ZMYM4: variants seen among roughly 807,000 people sequenced by gnomAD.
The protein encoded by ZMYM4 is zinc finger MYM-type containing 4.
A neutral mutation model predicts 183.2 loss-of-function variants in ZMYM4; 31 were observed. The observed-to-expected ratio is 0.17, with a 90% CI of 0.13 to 0.23. The LOEUF is 0.23. Among genes scored for constraint, ZMYM4 ranks in the 10% least tolerant of loss-of-function variants. The pLI, the probability that ZMYM4 is intolerant of heterozygous loss-of-function variation, is 1.00. For missense variants in ZMYM4, 1,273 were observed against 1,840.3 expected (o/e 0.69, Z 5.64); for synonymous variants, 592 against 631.2 (o/e 0.94, Z 0.93).
At chr1:35,412,439 G>A (rs1379704211) in intron 26 of ZMYM4, among the ~76,000 whole-genome samples, 1 of 152,118 alleles carries the variant, frequency 6.6e-6, no homozygotes, top group Admixed American at 6.5e-5. Flanking sequence ...GCGGTACAGT[G>A]TTGACGAAGA....
chr1:35,396,585 T>C lies in ZMYM4; in HGVS notation c.2945T>C (p.Val982Ala). The change falls in exon 19 of 30, where the codon GTG becomes GCG. Residue 982 changes from valine to alanine, a missense_variant. Val to Ala is a moderately conservative substitution (Grantham distance 64, BLOSUM62 0). This residue lies in a region of ZMYM4 where 290 missense variants were observed against 353.3 expected (regional missense o/e 0.82). Transcript: ENST00000314607. ...DTPSQPQIIV[V>A]PVPVPVFVPI... ...CCAAGTCAGCCCCAGATTATTGTGG[T>C]GCCAGTTCCCGTACCAGTGTTTGTT... 1.2e-6 allele frequency: 2 copies of C among 1,613,924 alleles called. No homozygotes were observed. Among genetic ancestry groups the C allele is most frequent in the East Asian group, 2.2e-5 (1 of 44,862 alleles).
At chr1:35,338,176 C>T (rs567860438) in intron 2 of ZMYM4, among the ~76,000 whole-genome samples, 2 of 152,268 alleles carry the variant, frequency 1.3e-5, no homozygotes, top group East Asian at 1.9e-4. Context: ...TTACCTACCC[C>T]TGCTGTAGGG....
chr1:35,404,917 A>G (rs1644974473), intron 23 of ZMYM4, 106 bp from the exon 24 acceptor site: 1 of 1,163,034 alleles, frequency 8.6e-7, no homozygotes, highest in Non-Finnish European at 1.2e-6. Context: ...ATATAAAACT[A>G]AATTCTTTAT....
At chr1:35,269,338 A>G (rs984258394) in intron 1 of ZMYM4, among the ~76,000 whole-genome samples, 12 of 152,030 alleles carry the variant, frequency 7.9e-5, no homozygotes, top group Non-Finnish European at 1.6e-4. Context: ...GTTCCCCAGC[A>G]CTGGGGTGGG....
In ZMYM4 at chr1:35,298,758, C is replaced by T. The variant is rs532681307; in HGVS notation, c.40-26602C>T. On this transcript the variant is annotated intron_variant, in intron 1 of 29. Transcript: ENST00000314607. Reference sequence around the variant, plus strand: ...CTGACAAAGGTTAACATTGTGCCAGCTGGCAAAGGAGAAAGTTTTGCAGGG... The same window carrying T: ...CTGACAAAGGTTAACATTGTGCCAGTTGGCAAAGGAGAAAGTTTTGCAGGG... 3.3e-5 allele frequency among the ~76,000 whole-genome samples: 5 copies of T among 152,284 alleles called. No homozygotes were observed. The East Asian group carries it at 9.7e-4, about 29-fold the overall frequency.
intron 1 of ZMYM4, among the ~76,000 whole-genome samples, chr1:35,296,913 C>T (rs1641047492): frequency 1.4e-5 from 2 of 141,890 alleles, no homozygotes. Flanking sequence ...GCAGTGACGC[C>T]ATCTTGGCTC....
At chr1:35,404,846 A>G (rs1001331392) in intron 23 of ZMYM4, 177 bp from the exon 24 acceptor site, 34 of 521,234 alleles carry the variant, frequency 6.5e-5, no homozygotes, top group African/African-American at 6.4e-4. Context: ...CCTTCCTCAT[A>G]TGGATTGGAT....
At chr1:35,376,027 G>A (rs1276090029) in intron 7 of ZMYM4, among the ~76,000 whole-genome samples, 2 of 151,206 alleles carry the variant, frequency 1.3e-5, no homozygotes, top group African/African-American at 4.9e-5. Flanking sequence ...AGTGAGCTAT[G>A]ATCACACTCC....
chr1:35,354,692 A>G (rs2148893774), intron 2 of ZMYM4, among the ~76,000 whole-genome samples: 1 of 143,350 alleles, frequency 7.0e-6, no homozygotes, highest in Admixed American at 7.2e-5. Context: ...GCACCACTGC[A>G]TTCGAGCCTG....
chr1:35,376,565 C>T (rs1238873498), intron 7 of ZMYM4, among the ~76,000 whole-genome samples: 1 of 151,888 alleles, frequency 6.6e-6, no homozygotes, highest in African/African-American at 2.4e-5. Context: ...CACTTTGTTG[C>T]CAGGCTGGAA....
chr1:35,409,348 T>C (rs1639775818), intron 26 of ZMYM4, among the ~76,000 whole-genome samples: 1 of 152,222 alleles, frequency 6.6e-6, no homozygotes, highest in Non-Finnish European at 1.5e-5. Flanking sequence ...GAGGAACTAC[T>C]GAACTGTTTT....
chr1:35,327,970 C>G (rs1323414205), intron 2 of ZMYM4, among the ~76,000 whole-genome samples: 2 of 152,196 alleles, frequency 1.3e-5, no homozygotes, highest in Non-Finnish European at 2.9e-5. Flanking sequence ...TCTGTCACTA[C>G]TCACTTTCGC....
intron 2 of ZMYM4, among the ~76,000 whole-genome samples, chr1:35,354,811 A>G (rs942647204): frequency 2.7e-5 from 4 of 150,446 alleles, no homozygotes; most frequent in Middle Eastern, 3.4e-3. Flanking sequence ...AACATTGCCT[A>G]ATTGCTCTTT....
At chr1:35,272,124 A>G (rs1160750657) in intron 1 of ZMYM4, among the ~76,000 whole-genome samples, 1 of 152,122 alleles carries the variant, frequency 6.6e-6, no homozygotes, top group African/African-American at 2.4e-5. Context: ...TTCCATATGT[A>G]TACTCCAAGC....
Position 35,408,047 on chromosome 1 carries a change from C to G in ZMYM4, c.3836C>G (p.Thr1279Ser), listed in dbSNP as rs778421205. Residue 1279 changes from threonine to serine, a missense_variant, in exon 26 of 30, where the codon ACT becomes AGT. Physicochemically the swap from Thr to Ser is moderately conservative, Grantham distance 58. Coordinates refer to ENST00000314607, the MANE Select transcript of ZMYM4 (RefSeq NM_005095.3). ...IKLKEDILSCTFAELSLGLCQ... is the reference protein window; with the variant it reads ...IKLKEDILSCSFAELSLGLCQ... ...CTGAAGGAAGACATTCTGTCCTGCA[C>G]TTTTGCTGAGTTGAGTTTGGGCTTA... The G allele has an allele frequency of 4.3e-6, 7 of 1,614,224 alleles. No individual in the cohort carries two copies. Among genetic ancestry groups the G allele is most frequent in the East Asian group, 4.5e-5 (2 of 44,878 alleles).
At chr1:35,324,406 C>CT (rs1421019989) in intron 1 of ZMYM4, among the ~76,000 whole-genome samples, 1 of 152,064 alleles carries the variant, frequency 6.6e-6, no homozygotes, top group East Asian at 1.9e-4. Flanking sequence ...CAAGAAGTTG[C>CT]TTTTTTATAA....
At chr1:35,269,323 C>G (rs373279012) in intron 1 of ZMYM4, among the ~76,000 whole-genome samples, 20 of 152,122 alleles carry the variant, frequency 1.3e-4, no homozygotes, top group South Asian at 4.1e-4. Context: ...CTTCCTCCCC[C>G]CGACGTTCCC....
Position 35,374,698 on chromosome 1 carries a change from AT to A in ZMYM4, c.1181+4082del, listed in dbSNP as rs545746107. On this transcript the variant is annotated intron_variant, in intron 7 of 29. Coordinates refer to ENST00000314607, the MANE Select transcript of ZMYM4 (RefSeq NM_005095.3). ...AAAAAAAAAAAAAAGTCAGTCATAGATTTTTTTTTTTAAAGATTTATCAGTT... is the reference window on the plus strand; with the variant it reads ...AAAAAAAAAAAAAAGTCAGTCATAGATTTTTTTTTTAAAGATTTATCAGTT... Among the ~76,000 whole-genome samples the A allele has an allele frequency of 2.0e-3, 296 of 148,102 alleles. 1 individual carries two copies. Among genetic ancestry groups the A allele is most frequent in the Middle Eastern group, 6.9e-3 (2 of 288 alleles).
chr1:35,392,759 C>A, intron 17 of ZMYM4, 75 bp downstream of exon 17: 1 of 1,065,240 alleles, frequency 9.4e-7, no homozygotes. Context: ...TATGTGTGAA[C>A]TAATTTGCCC....
Sources: gnomAD v4.1 joint callset for allele counts (sites outside exome capture counted in the v4.1 genomes callset) on GRCh38, gnomAD v4.1.1 for gene constraint, gnomAD v4.1.1 regional missense constraint, MANE v1.5 for transcripts, NCBI Gene and HGNC (gene_info 2026-07-23, HGNC 2026-07-21) for gene names.